The following COMMD10 variants were observed in gnomAD, a reference collection of about 807,000 sequenced individuals.
COMMD10 encodes the protein COMM domain-containing protein 10.
Under a neutral mutation model 28.9 loss-of-function variants are expected in COMMD10, and 33 were observed. That is an observed-to-expected ratio of 1.14 (90% CI 0.87 to 1.53). The LOEUF is 1.53. COMMD10 is among the 40% of genes most tolerant of loss of function. The pLI, the probability that COMMD10 is intolerant of heterozygous loss-of-function variation, is 0.00. For synonymous variants in COMMD10, 110 were observed against 81.7 expected, an observed-to-expected ratio of 1.35 and a Z score of -1.87; for missense variants, 310 against 233.4, an observed-to-expected ratio of 1.33 and a Z score of -2.14.
At chr5:116,128,766 C>T (rs978056382) in intron 4 of COMMD10, among the ~76,000 whole-genome samples, 1 of 152,010 alleles carries the variant, frequency 6.6e-6, no homozygotes, top group Non-Finnish European at 1.5e-5. Context: ...GCTTTTAGGA[C>T]ATTGATATTT....
At chr5:116,183,576 T>C (rs1278032794) in intron 5 of COMMD10, among the ~76,000 whole-genome samples, 1 of 152,132 alleles carries the variant, frequency 6.6e-6, no homozygotes, top group Non-Finnish European at 1.5e-5. Context: ...TAATTTAAAC[T>C]TGTAACTTTC....
intron 5 of COMMD10, among the ~76,000 whole-genome samples, chr5:116,237,463 C>G (rs866210493): frequency 1.3e-5 from 2 of 148,162 alleles, no homozygotes; most frequent in African/African-American, 5.2e-5. Flanking sequence ...AGTTCATAAA[C>G]TTGAAAAAAA....
At chr5:116,194,069 T>C (rs931894763) in intron 5 of COMMD10, among the ~76,000 whole-genome samples, 5 of 152,082 alleles carry the variant, frequency 3.3e-5, no homozygotes, top group African/African-American at 9.7e-5. Context: ...TGAATGAGCA[T>C]TGGGTCAAAA....
chr5:116,266,114 G>A (rs1157133859), intron 5 of COMMD10, among the ~76,000 whole-genome samples: 1 of 151,654 alleles, frequency 6.6e-6, no homozygotes, highest in Non-Finnish European at 1.5e-5. Context: ...TTTGTCAAGT[G>A]AAGTTAATTA....
chr5:116,237,804 T>A (rs1749711725), intron 5 of COMMD10, among the ~76,000 whole-genome samples: 1 of 152,136 alleles, frequency 6.6e-6, no homozygotes, highest in Non-Finnish European at 1.5e-5. Flanking sequence ...AAGTTAGCAG[T>A]GGTGTTAAAT....
intron 5 of COMMD10, among the ~76,000 whole-genome samples, chr5:116,234,869 G>A (rs895959787): frequency 1.3e-5 from 2 of 152,124 alleles, no homozygotes; most frequent in African/African-American, 4.8e-5. Flanking sequence ...ACATGCAGCC[G>A]CAGGAGAGCT....
chr5:116,089,069 G>A (rs535786155), intron 2 of COMMD10, among the ~76,000 whole-genome samples: 1 of 152,292 alleles, frequency 6.6e-6, no homozygotes, highest in African/African-American at 2.4e-5. Flanking sequence ...AATTTGTGAG[G>A]TGGATGGAGA....
chr5:116,199,273 T>C (rs1451903461), intron 5 of COMMD10, among the ~76,000 whole-genome samples: 1 of 152,166 alleles, frequency 6.6e-6, no homozygotes, highest in African/African-American at 2.4e-5. Flanking sequence ...ATGAGGTTTC[T>C]GTTTAGGTTT....
chr5:116,291,778 A>G (rs1034740268), intron 6 of COMMD10, among the ~76,000 whole-genome samples: 2 of 152,182 alleles, frequency 1.3e-5, no homozygotes, highest in African/African-American at 2.4e-5. Flanking sequence ...GAAAAGGAAA[A>G]TAGTTTTAAT....
intron 5 of COMMD10, among the ~76,000 whole-genome samples, chr5:116,206,057 T>C (rs1039287929): frequency 4.6e-5 from 7 of 152,184 alleles, no homozygotes; most frequent in Non-Finnish European, 1.0e-4. Context: ...CTGAAAATTG[T>C]TTTCTGAAAT....
intron 5 of COMMD10, among the ~76,000 whole-genome samples, chr5:116,250,467 T>A (rs531311167): frequency 1.1e-4 from 17 of 151,232 alleles, no homozygotes; most frequent in African/African-American, 4.1e-4. Flanking sequence ...ATGGAAGTAG[T>A]TTGGCTAAAA....
At chr5:116,219,302 C>G (rs976683906) in intron 5 of COMMD10, among the ~76,000 whole-genome samples, 1 of 152,120 alleles carries the variant, frequency 6.6e-6, no homozygotes, top group African/African-American at 2.4e-5. Flanking sequence ...CTTTCCCTTC[C>G]CCTTCCCCTT....
chr5:116,267,633 A>G (rs1750621739), intron 5 of COMMD10, among the ~76,000 whole-genome samples: 2 of 151,976 alleles, frequency 1.3e-5, no homozygotes, highest in South Asian at 4.1e-4. Flanking sequence ...AAGAGCCTGC[A>G]TTGCCAAGAC....
chr5:116,228,847 A>G (rs1204060343), intron 5 of COMMD10, among the ~76,000 whole-genome samples: 2 of 152,006 alleles, frequency 1.3e-5, no homozygotes, highest in Admixed American at 1.3e-4. Flanking sequence ...TTCTTTTGTC[A>G]TGAGCAAAGA....
At chr5:116,250,304 C>A (rs574608427) in intron 5 of COMMD10, among the ~76,000 whole-genome samples, 3 of 151,386 alleles carry the variant, frequency 2.0e-5, no homozygotes, top group Non-Finnish European at 4.4e-5. Flanking sequence ...GTAATAATAA[C>A]GTGTTATCTT....
chr5:116,199,202 A>G (rs1449950651), intron 5 of COMMD10, among the ~76,000 whole-genome samples: 12 of 152,068 alleles, frequency 7.9e-5, no homozygotes, highest in Admixed American at 5.9e-4. Flanking sequence ...GGATTTCTCT[A>G]CTGACATACG....
At chr5:116,109,963 A>G (rs1419985803) in intron 4 of COMMD10, among the ~76,000 whole-genome samples, 1 of 152,212 alleles carries the variant, frequency 6.6e-6, no homozygotes, top group African/African-American at 2.4e-5. Context: ...TTTTGAGGAA[A>G]TGTTTTTAAC....
chr5:116,286,587 C>T (rs528811765), intron 5 of COMMD10, among the ~76,000 whole-genome samples: 1 of 151,628 alleles, frequency 6.6e-6, no homozygotes, highest in African/African-American at 2.4e-5. Flanking sequence ...TAAGATATTT[C>T]CCAGTTCCAG....
chr5:116,278,941 T>C (rs955280984), intron 5 of COMMD10, among the ~76,000 whole-genome samples: 1 of 151,842 alleles, frequency 6.6e-6, no homozygotes, highest in Admixed American at 6.6e-5. Flanking sequence ...TTGAAATCAT[T>C]TAGACAAAAT....
Sources: gnomAD v4.1 joint callset for allele counts (sites outside exome capture counted in the v4.1 genomes callset) on GRCh38, gnomAD v4.1.1 for gene constraint, MANE v1.5 for transcripts, NCBI Gene and HGNC (gene_info 2026-07-23, HGNC 2026-07-21) for gene names.